WWC1: variants seen among roughly 807,000 people sequenced by gnomAD.
WWC1 encodes WW and C2 domain containing 1.
Under a neutral mutation model 138.4 loss-of-function variants are expected in WWC1, and 55 were observed. That is an observed-to-expected ratio of 0.40 (90% confidence interval 0.32 to 0.50). The LOEUF (loss-of-function observed/expected upper bound fraction) is 0.50, where lower values mean the gene tolerates loss of function less well. WWC1 is among the 20% of genes least tolerant of loss of function. The probability of loss-of-function intolerance (pLI) is 0.72; values close to 1 mark genes in which losing one functional copy is unlikely to be tolerated. For synonymous variants in WWC1, 524 were observed against 564.9 expected, an observed-to-expected ratio of 0.93 and a Z score of 1.03; for missense variants, 1,226 against 1,420.4, an observed-to-expected ratio of 0.86 and a Z score of 2.20.
intron 1 of WWC1, among the ~76,000 whole-genome samples, chr5:168,369,762 G>T (rs1354867084): frequency 1.3e-5 from 2 of 152,144 alleles, no homozygotes; most frequent in Non-Finnish European, 2.9e-5. Flanking sequence ...TCCAGCTGGG[G>T]CTCTTTCAGC....
rs530469989 is a variant in WWC1, at chr5:168,410,459, C to T, written c.941+464C>T. Reference sequence around the variant, plus strand: ...GGGATTTAGATGTTCTGTGGCTTCACAGAATCCTAAGCAATCAGGTTCCAC... The same window carrying T: ...GGGATTTAGATGTTCTGTGGCTTCATAGAATCCTAAGCAATCAGGTTCCAC... On this transcript the variant is annotated intron_variant, in intron 8 of 22. Coordinates refer to ENST00000265293, the MANE Select transcript of WWC1 (RefSeq NM_015238.3). Among the ~76,000 whole-genome samples, 4 of 152,370 alleles carry T rather than the reference C, an allele frequency of 2.6e-5. No homozygotes were observed. In the East Asian group the frequency reaches 7.7e-4, roughly 29 times the overall value.
chr5:168,447,809 G>C (rs897774488), intron 17 of WWC1, among the ~76,000 whole-genome samples: 5 of 144,298 alleles, frequency 3.5e-5, no homozygotes, highest in African/African-American at 5.4e-5. Context: ...CTCTCTGTCT[G>C]TTTCTCCCCA....
chr5:168,444,341 A>C (rs1415516015), intron 16 of WWC1, among the ~76,000 whole-genome samples, 153 bp from the exon 17 acceptor site: 2 of 152,220 alleles, frequency 1.3e-5, no homozygotes, highest in Non-Finnish European at 2.9e-5. Flanking sequence ...TTTCCAGTTT[A>C]TCAGTGACCT....
rs768987290 is a variant in WWC1 at position 168,406,345 on chromosome 5, G to C, written c.720+18G>C. 48 of 1,612,702 alleles carry C rather than the reference G, an allele frequency of 3.0e-5. No individual in the cohort carries two copies. Among genetic ancestry groups the C allele is most frequent in the Non-Finnish European group, 2.9e-5 (34 of 1,179,240 alleles). ...TCATTAAGGTATGCAAGTTCCTGTTGATGTGGGTGCCATCTTGATTTCTCC... is the reference window on the plus strand; with the variant it reads ...TCATTAAGGTATGCAAGTTCCTGTTCATGTGGGTGCCATCTTGATTTCTCC... On this transcript the variant is annotated intron_variant, in intron 6 of 22. Coordinates refer to ENST00000265293, the MANE Select transcript of WWC1 (RefSeq NM_015238.3).
In WWC1 at chr5:168,422,222, A is replaced by G. The variant is rs189346924; in HGVS notation, c.1274+125A>G. 5.5e-6 allele frequency: 5 copies of G among 915,568 alleles called. No individual in the cohort carries two copies. The African/African-American group carries it at 8.3e-5, about 15-fold the overall frequency. The allele number at this position is 915,568 out of a possible 1,614,324, so 56.7% of individuals were successfully genotyped here. A position where few individuals can be genotyped will look rare whatever the true frequency, so the allele number is the denominator to read the frequency against. ...GGCTTGAGAGTGGATGTTTAGAAGC[A>G]TAGCAAATGGATTGTCAGCAGACTC... On this transcript the variant is annotated intron_variant, in intron 10 of 22. Transcript: ENST00000265293.
Position 168,425,595 on chromosome 5 carries a change from G to A in WWC1, c.1810+1527G>A, listed in dbSNP as rs914930225. 6.6e-5 allele frequency among the ~76,000 whole-genome samples: 10 copies of A among 150,960 alleles called. 1 individual carries two copies. Among genetic ancestry groups the A allele is most frequent in the Admixed American group, 2.0e-4 (3 of 15,108 alleles). ...CAACCTCCACCTCCTGGGTTCAAGC[G>A]ATTCTCCTGCGTCAGCCTCCCGAGT... is the stretch of plus-strand genomic sequence containing the variant. On this transcript the variant is annotated intron_variant, in intron 11 of 22. Coordinates refer to ENST00000265293, the MANE Select transcript of WWC1 (RefSeq NM_015238.3).
Position 168,428,047 on chromosome 5 carries a change from C to G in WWC1, c.1825C>G (p.Gln609Glu). 6.2e-7 allele frequency: 1 copy of G among 1,613,586 alleles called. No individual in the cohort carries two copies. The highest frequency in any genetic ancestry group is 8.5e-7 in the Non-Finnish European group (1 of 1,179,694). Residue 609 changes from glutamine (Q) to glutamate (E), a missense_variant, in exon 12 of 23, where the codon CAG (glutamine) becomes GAG (glutamate). Gln to Glu is a conservative substitution (Grantham distance 29, BLOSUM62 2). Transcript: ENST00000265293. The part of the protein sequence containing the change: ...KQLGQAVNTA[Q>E]GCGLKVACVS... Reference sequence around the variant, plus strand: ...TCCTTCCCTAGCTGTGAATACGGCCCAGGGGTGTGGCCTGAAAGTGGCCTG... The same window carrying G: ...TCCTTCCCTAGCTGTGAATACGGCCGAGGGGTGTGGCCTGAAAGTGGCCTG...
chr5:168,317,249 G>A (rs185725766), intron 1 of WWC1, among the ~76,000 whole-genome samples: 110 of 152,278 alleles, frequency 7.2e-4, no homozygotes, highest in Non-Finnish European at 1.2e-3. Flanking sequence ...GGTATTTGGC[G>A]TGTTGATGTG....
intron 15 of WWC1, 140 bp downstream of exon 15, chr5:168,431,584 C>T: frequency 1.1e-6 from 1 of 936,202 alleles, no homozygotes; most frequent in Middle Eastern, 3.5e-4. Flanking sequence ...GTTGTGCTAT[C>T]AATCAGGCTC....
chr5:168,363,180 C>G (rs1025948757), intron 1 of WWC1, among the ~76,000 whole-genome samples: 1 of 151,980 alleles, frequency 6.6e-6, no homozygotes, highest in Non-Finnish European at 1.5e-5. Flanking sequence ...TTTTGAGAAC[C>G]AAATCCAATT....
At chr5:168,393,906 A>G (rs145069513) in intron 3 of WWC1, among the ~76,000 whole-genome samples, 1 of 152,224 alleles carries the variant, frequency 6.6e-6, no homozygotes. Flanking sequence ...AACTAAGCAA[A>G]CGTAAAAATG....
intron 1 of WWC1, among the ~76,000 whole-genome samples, chr5:168,330,421 T>C (rs1364210132): frequency 6.6e-6 from 1 of 152,204 alleles, no homozygotes; most frequent in East Asian, 1.9e-4. Context: ...AGACTCAGTT[T>C]TCTTCTTATC....
At chr5:168,452,201 T>C (rs11743260) in intron 17 of WWC1, among the ~76,000 whole-genome samples, 47,494 of 152,106 alleles carry the variant, frequency 0.31, 8,722 homozygotes, top group Middle Eastern at 0.45. Flanking sequence ...CTACCACGCC[T>C]GGCCTGTTGG....
At chr5:168,442,919 G>A (rs1053026732) in intron 16 of WWC1, among the ~76,000 whole-genome samples, 5 of 151,594 alleles carry the variant, frequency 3.3e-5, no homozygotes, top group African/African-American at 7.3e-5. Flanking sequence ...TCATTTTAGC[G>A]CAGTACGCTT....
chr5:168,298,032 GTTTTATTTTA>G (rs986133490), intron 1 of WWC1, among the ~76,000 whole-genome samples: 8 of 151,966 alleles, frequency 5.3e-5, no homozygotes, highest in African/African-American at 1.9e-4. Context: ...AACAAGCTTT[GTTTTATTTTA>G]TTTTATTTTA....
rs1174332784 is a variant in WWC1 at position 168,429,730 on chromosome 5, T to G, written c.2001-407T>G. Among the ~76,000 whole-genome samples, 3 of 152,012 alleles carry G rather than the reference T, an allele frequency of 2.0e-5. No individual in the cohort carries two copies. The East Asian group carries it at 5.8e-4, about 29-fold the overall frequency. The stretch of plus-strand genomic sequence containing the variant: ...AGAGGAATCACTTGATTCCAGGAGT[T>G]CAGGACCAGCCCAGGCAACATGATG... On this transcript the variant is annotated intron_variant, in intron 13 of 22. Coordinates refer to ENST00000265293, the MANE Select transcript of WWC1 (RefSeq NM_015238.3).
chr5:168,339,961 C>CTCTG (rs1561630872), intron 1 of WWC1, among the ~76,000 whole-genome samples: 2 of 131,446 alleles, frequency 1.5e-5, no homozygotes, highest in African/African-American at 5.7e-5. Flanking sequence ...CTCTCCCTCT[C>CTCTG]TCTCTCTGTC....
At chr5:168,450,267 A>G (rs1046987156) in intron 17 of WWC1, among the ~76,000 whole-genome samples, 1 of 152,240 alleles carries the variant, frequency 6.6e-6, no homozygotes, top group Non-Finnish European at 1.5e-5. Flanking sequence ...TCCAAGGGAA[A>G]TGGAAAGTTT....
At chr5:168,351,929 T>G (rs376647701) in intron 1 of WWC1, among the ~76,000 whole-genome samples, 4 of 152,114 alleles carry the variant, frequency 2.6e-5, no homozygotes, top group African/African-American at 9.7e-5. Flanking sequence ...CAAGACACAC[T>G]TGTTTGCCCC....
Sources: gnomAD v4.1 joint callset for allele counts (sites outside exome capture counted in the v4.1 genomes callset) on GRCh38, gnomAD v4.1.1 for gene constraint, MANE v1.5 for transcripts, NCBI Gene and HGNC (gene_info 2026-07-23, HGNC 2026-07-21) for gene names.